UNC5D: variants seen among roughly 807,000 people sequenced by gnomAD.
The protein encoded by UNC5D is netrin receptor UNC5D.
UNC5D carries 39 observed loss-of-function variants against 105.4 expected under a neutral mutation model. The observed-to-expected ratio is 0.37, with a 90% CI of 0.29 to 0.48. The LOEUF is 0.48. Among genes scored for constraint, UNC5D ranks in the 20% least tolerant of loss-of-function variants. UNC5D has a pLI of 0.98. For synonymous variants in UNC5D, 452 were observed against 450.4 expected (o/e 1.00, Z -0.04); for missense variants, 991 against 1,202.4 (o/e 0.82, Z 2.60).
At chr8:35,687,060 C>T (rs909631849) in intron 7 of UNC5D, among the ~76,000 whole-genome samples, 25 of 152,174 alleles carry the variant, frequency 1.6e-4, no homozygotes, top group Admixed American at 1.4e-3. Flanking sequence ...GGTTATATTT[C>T]CCCCCAGGAA....
chr8:35,709,716 G>A (rs56216087), intron 8 of UNC5D, among the ~76,000 whole-genome samples: 3,410 of 152,004 alleles, frequency 0.022, 122 homozygotes, highest in African/African-American at 0.077. Flanking sequence ...AATAAAATAA[G>A]TTATGTTTAA....
At chr8:35,259,434 A>G (rs1484513148) in intron 1 of UNC5D, among the ~76,000 whole-genome samples, 1 of 152,188 alleles carries the variant, frequency 6.6e-6, no homozygotes, top group Non-Finnish European at 1.5e-5. Context: ...TGGTTCCATC[A>G]GAAGTAGACG....
chr8:35,400,952 G>A (rs1002585231), intron 1 of UNC5D, among the ~76,000 whole-genome samples: 5 of 152,078 alleles, frequency 3.3e-5, no homozygotes, highest in African/African-American at 1.2e-4. Context: ...CACTGGATGT[G>A]TCCCCAGGAA....
At chr8:35,402,455 T>C (rs1804530636) in intron 1 of UNC5D, among the ~76,000 whole-genome samples, 1 of 151,988 alleles carries the variant, frequency 6.6e-6, no homozygotes, top group African/African-American at 2.4e-5. Context: ...GCACCTGTGA[T>C]TGAATTATCT....
intron 1 of UNC5D, among the ~76,000 whole-genome samples, chr8:35,416,017 T>A (rs1299720727): frequency 6.6e-6 from 1 of 152,132 alleles, no homozygotes; most frequent in Non-Finnish European, 1.5e-5. Context: ...TGATGCAACA[T>A]TCCAAGGTAC....
At chr8:35,384,218 C>CA (rs35939640) in intron 1 of UNC5D, among the ~76,000 whole-genome samples, 7,769 of 108,446 alleles carry the variant, frequency 0.072, 204 homozygotes, top group African/African-American at 0.092. Context: ...GACTCCATTT[C>CA]AAAAAAAAAA....
chr8:35,742,705 G>C (rs776703509), intron 11 of UNC5D, among the ~76,000 whole-genome samples: 2 of 152,216 alleles, frequency 1.3e-5, no homozygotes, highest in Non-Finnish European at 2.9e-5. Context: ...AAGCCTAGCA[G>C]CAGGTCAAGG....
intron 1 of UNC5D, among the ~76,000 whole-genome samples, chr8:35,491,632 G>A (rs577437134): frequency 6.6e-5 from 10 of 152,212 alleles, no homozygotes; most frequent in African/African-American, 2.2e-4. Flanking sequence ...GTGTGTGTGT[G>A]TAGGGATCCA....
At chr8:35,441,852 T>G (rs1428783836) in intron 1 of UNC5D, among the ~76,000 whole-genome samples, 1 of 151,694 alleles carries the variant, frequency 6.6e-6, no homozygotes, top group Non-Finnish European at 1.5e-5. Flanking sequence ...ATTCATCTAA[T>G]AAGAAGCGGG....
intron 1 of UNC5D, among the ~76,000 whole-genome samples, chr8:35,352,781 T>G (rs1432332483): frequency 6.6e-6 from 1 of 152,006 alleles, no homozygotes; most frequent in African/African-American, 2.4e-5. Context: ...CCTGGCTAAT[T>G]TTTGTATTTT....
intron 1 of UNC5D, among the ~76,000 whole-genome samples, chr8:35,523,308 C>T (rs1184136819): frequency 6.6e-6 from 1 of 152,008 alleles, no homozygotes. Flanking sequence ...GTCTCGAATT[C>T]CTGGACATAA....
chr8:35,336,694 A>G (rs1197873088), intron 1 of UNC5D, among the ~76,000 whole-genome samples: 2 of 151,656 alleles, frequency 1.3e-5, no homozygotes, highest in African/African-American at 2.4e-5. Flanking sequence ...AGACATATAC[A>G]TTTTTTTCCT....
intron 1 of UNC5D, among the ~76,000 whole-genome samples, chr8:35,284,923 A>G (rs1806480217): frequency 6.6e-6 from 1 of 152,098 alleles, no homozygotes; most frequent in South Asian, 2.1e-4. Flanking sequence ...CATATAGTAA[A>G]GTTCTTTTAA....
chr8:35,705,095 G>C (rs1827476153), intron 7 of UNC5D, among the ~76,000 whole-genome samples: 2 of 151,748 alleles, frequency 1.3e-5, no homozygotes, highest in African/African-American at 4.8e-5. Context: ...CTCCCGCGTA[G>C]CTGGGACTAC....
At chr8:35,476,139 T>G (rs1810080548) in intron 1 of UNC5D, among the ~76,000 whole-genome samples, 1 of 152,206 alleles carries the variant, frequency 6.6e-6, no homozygotes, top group African/African-American at 2.4e-5. Context: ...CTCAGGATTG[T>G]TTACTGTCTT....
intron 4 of UNC5D, among the ~76,000 whole-genome samples, chr8:35,624,719 T>C (rs1821596253): frequency 6.6e-6 from 1 of 152,228 alleles, no homozygotes; most frequent in South Asian, 2.1e-4. Context: ...CACCTTTTCA[T>C]GTTCCTTTCC....
At chr8:35,240,444 T>C (rs2128800570) in intron 1 of UNC5D, among the ~76,000 whole-genome samples, 1 of 152,342 alleles carries the variant, frequency 6.6e-6, no homozygotes, top group East Asian at 1.9e-4. Flanking sequence ...GAGTATGAAA[T>C]AATACTCCTA....
chr8:35,274,562 G>C (rs1398617042), intron 1 of UNC5D, among the ~76,000 whole-genome samples: 1 of 152,146 alleles, frequency 6.6e-6, no homozygotes, highest in African/African-American at 2.4e-5. Context: ...GTTTATATCA[G>C]CCTGAAGAGA....
chr8:35,634,586 G>C (rs117064595), intron 4 of UNC5D, among the ~76,000 whole-genome samples: 1 of 152,192 alleles, frequency 6.6e-6, no homozygotes, highest in East Asian at 1.9e-4. Context: ...TGAATTTCAG[G>C]GTACAGAGAG....
Sources: gnomAD v4.1 joint callset for allele counts (sites outside exome capture counted in the v4.1 genomes callset) on GRCh38, gnomAD v4.1.1 for gene constraint, MANE v1.5 for transcripts, NCBI Gene and HGNC (gene_info 2026-07-23, HGNC 2026-07-21) for gene names.